The following LRRN4 variants were observed in gnomAD, a reference collection of about 807,000 sequenced individuals.
The protein encoded by LRRN4 is leucine-rich repeat neuronal protein 4.
LRRN4 carries 26 observed loss-of-function variants against 22.3 expected under a neutral mutation model. That is an observed-to-expected ratio of 1.16 (90% CI 0.85 to 1.62). The LOEUF is 1.62. LRRN4 is among the 40% of genes most tolerant of loss of function. LRRN4 has a pLI of 0.00. For synonymous variants in LRRN4, 496 were observed against 486.2 expected (o/e 1.02, Z -0.26); for missense variants, 1,070 against 1,008.5 (o/e 1.06, Z -0.83).
At position 6,052,405 on chromosome 20, in the gene LRRN4, T is replaced by A; in HGVS notation, c.395A>T (p.Asn132Ile). The A allele has an allele frequency of 6.5e-7, 1 of 1,535,814 alleles. No individual in the cohort carries two copies. The highest frequency in any genetic ancestry group is 8.7e-7 in the Non-Finnish European group (1 of 1,150,874). Residue 132 changes from asparagine (N) to isoleucine (I), a missense_variant, in exon 2 of 5, where the codon AAC becomes ATC. Coordinates refer to ENST00000378858, the MANE Select transcript of LRRN4 (RefSeq NM_152611.5). ...GCACGGCGGCAGAGCGGCCAGCTGG[T>A]TGTAGCTGAGGTCCAGGGTGTGCAG... The part of the protein sequence containing the change: ...AGLHTLDLSY[N>I]QLAALPPCTG...
chr20:6,042,188 G>A lies in LRRN4; in HGVS notation c.1057C>T (p.Leu353=). ...ACTCCGGGCAGCTGGGAGAGTGACA[G>A]GGAGGCTGAGAAGGGGCCGCTGGAT... ...AGSSGPFSAS[L]SLSQLPGVCQ... The change falls in exon 5 of 5, where the codon CTG becomes TTG. Residue 353 remains leucine, a synonymous_variant. Coordinates refer to ENST00000378858, the MANE Select transcript of LRRN4 (RefSeq NM_152611.5). 1 of 1,614,044 alleles carries A rather than the reference G, an allele frequency of 6.2e-7. No homozygotes were observed. Among genetic ancestry groups the A allele is most frequent in the Non-Finnish European group, 8.5e-7 (1 of 1,180,004 alleles).
chr20:6,041,610 G>A lies in LRRN4; in HGVS notation c.1635C>T (p.Val545=), dbSNP rs1483351360. The A allele has an allele frequency of 1.7e-5, 27 of 1,579,392 alleles. No homozygotes were observed. The highest frequency in any genetic ancestry group is 2.3e-5 in the Non-Finnish European group (27 of 1,160,406). The change falls in exon 5 of 5, where the codon GTC becomes GTT. Residue 545 remains valine, a synonymous_variant. Transcript: ENST00000378858. The surrounding 1 kb of genome is among the most constrained non-coding windows in gnomAD (Gnocchi z 9.4). Reference sequence around the variant, plus strand: ...GCTTGCAGGGATGGTAATCACAGGGGACGTCCTGGTGAGGCGTTCCCACCT... The same window carrying A: ...GCTTGCAGGGATGGTAATCACAGGGAACGTCCTGGTGAGGCGTTCCCACCT... ...KEEVGTPHQD[V]PCDYHPCKHL...
At chr20:6,048,678 G>A (rs1377539838) in intron 3 of LRRN4, among the ~76,000 whole-genome samples, 4 of 152,174 alleles carry the variant, frequency 2.6e-5, no homozygotes, top group Admixed American at 6.5e-5. Flanking sequence ...CAACAGGTTC[G>A]TGTTATTATT....
Position 6,044,649 on chromosome 20 carries a change from G to C in LRRN4, c.892C>G (p.Leu298Val), listed in dbSNP as rs773939950. 6.3e-7 allele frequency: 1 copy of C among 1,581,286 alleles called. No individual in the cohort carries two copies. Among genetic ancestry groups the C allele is most frequent in the South Asian group, 1.2e-5 (1 of 83,524 alleles). The change falls in exon 4 of 5, where the codon CTG becomes GTG. Residue 298 changes from leucine to valine, a missense_variant. Transcript: ENST00000378858. ...ATCGATAGGACCTGGGAGGAATCCA[G>C]GGTCCAAGGAGGGAAGGAACTCAAG... Reference protein sequence around the residue: ...CNLSSFPPWTLDSSQVLSINL... With the variant: ...CNLSSFPPWTVDSSQVLSINL...
At chr20:6,051,717 T>A (rs751045342) in intron 2 of LRRN4, among the ~76,000 whole-genome samples, 61 of 152,298 alleles carry the variant, frequency 4.0e-4, no homozygotes, top group Non-Finnish European at 7.1e-4. Context: ...ACTGCATGTT[T>A]GCGGCTCAGT....
chr20:6,046,691 G>A (rs1236573403), intron 3 of LRRN4, among the ~76,000 whole-genome samples: 1 of 148,942 alleles, frequency 6.7e-6, no homozygotes, highest in Admixed American at 6.7e-5. Context: ...GGAAAGGAAG[G>A]ACATGTCACC....
Position 6,041,889 on chromosome 20 carries a change from G to A in LRRN4, c.1356C>T (p.Thr452=). The part of the protein sequence containing the change: ...NSSVFPRAAS[T]TRTQHRGEHA... Reference sequence around the variant, plus strand: ...GTTCTCCTCGGTGCTGGGTCCTGGTGGTGCTGGCAGCCCTGGGGAAAACGC... The same window carrying A: ...GTTCTCCTCGGTGCTGGGTCCTGGTAGTGCTGGCAGCCCTGGGGAAAACGC... Residue 452 remains threonine, a synonymous_variant, in exon 5 of 5, where the codon ACC becomes ACT. Transcript: ENST00000378858. The surrounding 1 kb of genome is among the most constrained non-coding windows in gnomAD (Gnocchi z 9.4). 6.2e-7 allele frequency: 1 copy of A among 1,614,188 alleles called. No individual in the cohort carries two copies. Among genetic ancestry groups the A allele is most frequent in the Non-Finnish European group, 8.5e-7 (1 of 1,180,024 alleles).
chr20:6,041,127 G>A lies in LRRN4; in HGVS notation c.2118C>T (p.Cys706=). The part of the protein sequence containing the change: ...ASTVVLSACL[C]RRGQTLGLQR... ...GCAGGCCCAGCGTCTGGCCCCGCCTGCAGAGACATGCGGACAGCACCACGG... is the reference window on the plus strand; with the variant it reads ...GCAGGCCCAGCGTCTGGCCCCGCCTACAGAGACATGCGGACAGCACCACGG... Residue 706 remains cysteine (C), a synonymous_variant, in exon 5 of 5, where the codon TGC becomes TGT. Coordinates refer to ENST00000378858, the MANE Select transcript of LRRN4 (RefSeq NM_152611.5). The surrounding 1 kb of genome is among the most constrained non-coding windows in gnomAD (Gnocchi z 9.4). 6.2e-7 allele frequency: 1 copy of A among 1,611,200 alleles called. No homozygotes were observed. Among genetic ancestry groups the A allele is most frequent in the East Asian group, 2.2e-5 (1 of 44,794 alleles).
intron 4 of LRRN4, 40 bp from the exon 5 acceptor site, chr20:6,042,286 A>G (rs1980986942): frequency 3.8e-6 from 6 of 1,569,984 alleles, no homozygotes; most frequent in Non-Finnish European, 5.2e-6. Flanking sequence ...GTCTGGCTTC[A>G]GGGACACTTC....
At position 6,044,907 on chromosome 20, in the gene LRRN4, A is replaced by T. The variant is rs571181698; in HGVS notation, c.861-227T>A. On this transcript the variant is annotated intron_variant, in intron 3 of 4. Transcript: ENST00000378858. ...AACAGGAAATATTATGCTTCATATC[A>T]ACTGGGGACAATATTCCTTCATATC... 2.1e-3 allele frequency among the ~76,000 whole-genome samples: 326 copies of T among 152,302 alleles called. 3 individuals are homozygous for T. The highest frequency in any genetic ancestry group is 7.5e-3 in the African/African-American group (312 of 41,566).
rs569699737 is a variant in LRRN4, at chr20:6,052,264, C to T, written c.536G>A (p.Cys179Tyr). The T allele has an allele frequency of 2.6e-6, 4 of 1,552,680 alleles. No homozygotes were observed. Among genetic ancestry groups the T allele is most frequent in the Middle Eastern group, 1.8e-4 (1 of 5,706 alleles). The part of the protein sequence containing the change: ...FPALQLLNLS[C>Y]TALGRGAQGG... ...CTGGGCTCCGCGACCCAGCGCGGTG[C>T]AGGAGAGGTTGAGGAGCTGCAGCGC... Residue 179 changes from cysteine (C) to tyrosine (Y), a missense_variant, in exon 2 of 5, where the codon TGC becomes TAC. Physicochemically the swap from Cys to Tyr is radical, Grantham distance 194. Transcript: ENST00000378858.
chr20:6,042,142 G>T lies in LRRN4; in HGVS notation c.1103C>A (p.Thr368Asn). The T allele has an allele frequency of 6.2e-7, 1 of 1,614,190 alleles. No individual in the cohort carries two copies. ...AGGTGGGTGTGAAGCCCCGAGAGTG[G>T]TGCTTTGGTCGGACTGGCACACTCC... Reference protein sequence around the residue: ...LPGVCQSDQSTTLGASHPPCF... With the variant: ...LPGVCQSDQSNTLGASHPPCF... The change falls in exon 5 of 5, where the codon ACC (threonine) becomes AAC (asparagine). Residue 368 changes from threonine to asparagine, a missense_variant. Transcript: ENST00000378858.
chr20:6,042,530 C>G (rs539524551), intron 4 of LRRN4, among the ~76,000 whole-genome samples: 2 of 152,234 alleles, frequency 1.3e-5, no homozygotes, highest in South Asian at 4.2e-4. Context: ...CAGAGCCTAC[C>G]CCGGGGCAAG....
rs370969415 is a variant in LRRN4, at chr20:6,041,478, C to T, written c.1767G>A (p.Thr589=). The stretch of plus-strand genomic sequence containing the variant: ...CCAGCGCCGACGTGTCCGTGGTCTC[C>T]GTCACCCCCTGCAGCCTGGGCGGGT... ...IPDPPRLQGV[T]ETTDTSALVH... Residue 589 remains threonine, a synonymous_variant, in exon 5 of 5, where the codon ACG becomes ACA. Transcript: ENST00000378858. This position sits in a 1 kb window ranked among gnomAD's most constrained non-coding sequence, Gnocchi z 9.4. The T allele has an allele frequency of 1.3e-6, 2 of 1,557,192 alleles. No individual in the cohort carries two copies. Among genetic ancestry groups the T allele is most frequent in the African/African-American group, 1.4e-5 (1 of 73,562 alleles).
At chr20:6,043,299 C>T (rs1467160183) in intron 4 of LRRN4, among the ~76,000 whole-genome samples, 1 of 152,140 alleles carries the variant, frequency 6.6e-6, no homozygotes, top group Non-Finnish European at 1.5e-5. Flanking sequence ...GCTGTGGTCC[C>T]AGCTACTTGG....
chr20:6,049,336 T>C (rs116917690), intron 3 of LRRN4, among the ~76,000 whole-genome samples: 14 of 152,308 alleles, frequency 9.2e-5, no homozygotes, highest in Non-Finnish European at 1.5e-4. Context: ...AAGTGGCAGA[T>C]ATCTGCTACC....
Position 6,041,918 on chromosome 20 carries a change from A to G in LRRN4, c.1327T>C (p.Ser443Pro). 1 of 1,614,072 alleles carries G rather than the reference A, an allele frequency of 6.2e-7. No homozygotes were observed. Residue 443 changes from serine to proline, a missense_variant, in exon 5 of 5, where the codon TCC (serine) becomes CCC (proline). Physicochemically the swap from Ser to Pro is moderately conservative, Grantham distance 74. Transcript: ENST00000378858. The surrounding 1 kb of genome is among the most constrained non-coding windows in gnomAD (Gnocchi z 9.4). ...TTNSVAGHSN[S>P]SVFPRAASTT... ...CTGGCAGCCCTGGGGAAAACGCTGGAGTTGCTGTGACCTGCTACAGAGTTG... is the reference window on the plus strand; with the variant it reads ...CTGGCAGCCCTGGGGAAAACGCTGGGGTTGCTGTGACCTGCTACAGAGTTG...
intron 3 of LRRN4, among the ~76,000 whole-genome samples, chr20:6,049,371 A>G (rs530914888): frequency 4.7e-4 from 72 of 152,276 alleles, no homozygotes; most frequent in African/African-American, 1.7e-3. Flanking sequence ...AGCTCCCTGA[A>G]AGCAGTGGCC....
Position 6,040,948 on chromosome 20 carries a change from C to G in LRRN4, c.*74G>C. The G allele has an allele frequency of 6.4e-7, 1 of 1,569,822 alleles. No homozygotes were observed. Among genetic ancestry groups the G allele is most frequent in the Non-Finnish European group, 8.7e-7 (1 of 1,155,924 alleles). On this transcript the variant is annotated 3_prime_UTR_variant, in exon 5 of 5. Transcript: ENST00000378858. ...TAGAAACCCTAGGAGCGGATGGGGTCGTTTTTGACCGTCTGTGTCTTCCTT... is the reference window on the plus strand; with the variant it reads ...TAGAAACCCTAGGAGCGGATGGGGTGGTTTTTGACCGTCTGTGTCTTCCTT...
Sources: allele counts gnomAD v4.1 joint callset (sites outside exome capture counted in the v4.1 genomes callset), GRCh38; gene constraint gnomAD v4.1.1; non-coding constraint Gnocchi (gnomAD v3.1); transcripts MANE v1.5; gene names NCBI Gene and HGNC (gene_info 2026-07-23, HGNC 2026-07-21).